Variants in WDR59 observed in about 807,000 individuals in gnomAD.
The protein encoded by WDR59 is GATOR2 complex protein WDR59.
A neutral mutation model predicts 131.2 loss-of-function variants in WDR59; 100 were observed. The ratio of observed to expected loss-of-function variants is 0.76; its 90% CI spans 0.65 to 0.90. The LOEUF (loss-of-function observed/expected upper bound fraction) is 0.90. WDR59 is among the 40% of genes least tolerant of loss of function. The pLI, the probability that WDR59 is intolerant of heterozygous loss-of-function variation, is 0.00. For synonymous variants in WDR59, 601 were observed against 466.2 expected (o/e 1.29, Z -3.72); for missense variants, 1,203 against 1,262.2 (o/e 0.95, Z 0.71).
At position 74,951,436 on chromosome 16, in the gene WDR59, G is replaced by A. The variant is rs371074886; in HGVS notation, c.326+22C>T. 7 of 1,579,480 alleles carry A rather than the reference G, an allele frequency of 4.4e-6. No homozygotes were observed. The African/African-American group carries it at 6.7e-5, about 15-fold the overall frequency. ...TGTGACAAAGCAAGACAGCCAAAGA[G>A]CTGTGGAGGGCTGGTGCCTACCTGA... is the stretch of plus-strand genomic sequence containing the variant. On this transcript the variant is annotated intron_variant, in intron 4 of 25. Transcript: ENST00000262144.
chr16:74,959,027 C>A (rs1279308190), intron 2 of WDR59, among the ~76,000 whole-genome samples: 1 of 152,136 alleles, frequency 6.6e-6, no homozygotes, highest in Non-Finnish European at 1.5e-5. Flanking sequence ...CCATTGCACT[C>A]CAGCCCGGGC....
intron 8 of WDR59, among the ~76,000 whole-genome samples, chr16:74,928,204 GTT>G (rs71378719): frequency 0.63 from 72,552 of 115,244 alleles, 22,762 homozygotes; most frequent in East Asian, 0.77. Context: ...CTGCATCCAG[GTT>G]TTTTTTTTTT....
At chr16:74,899,164 A>G (rs1209296565) in intron 18 of WDR59, among the ~76,000 whole-genome samples, 1 of 152,212 alleles carries the variant, frequency 6.6e-6, no homozygotes, top group Non-Finnish European at 1.5e-5. Context: ...TTTACTGTCT[A>G]CACAAAATAT....
chr16:74,949,346 A>AG, intron 5 of WDR59, among the ~76,000 whole-genome samples: 1 of 148,770 alleles, frequency 6.7e-6, no homozygotes, highest in East Asian at 2.0e-4. Context: ...AAAAAAAAAA[A>AG]AAAAAAAAGA....
intron 1 of WDR59, among the ~76,000 whole-genome samples, chr16:74,970,521 A>AAAAAAAAAAAAAAAC (rs2033941115): frequency 6.9e-6 from 1 of 145,198 alleles, no homozygotes; most frequent in Non-Finnish European, 1.5e-5. Context: ...AAAAAAAAAA[A>AAAAAAAAAAAAAAAC]AAAAAAGCAG....
At chr16:74,947,929 G>A (rs546004904) in intron 6 of WDR59, among the ~76,000 whole-genome samples, 1 of 152,284 alleles carries the variant, frequency 6.6e-6, no homozygotes, top group Admixed American at 6.5e-5. Context: ...AATCACCCAG[G>A]TGTGGTGGCA....
chr16:74,886,192 T>TAAAAAAAAAAAAAAAAA (rs1567687441), intron 24 of WDR59, 78 bp downstream of exon 24: 1 of 1,152,286 alleles, frequency 8.7e-7, no homozygotes, highest in African/African-American at 1.7e-5. Flanking sequence ...AAAAAAAAAG[T>TAAAAAAAAAAAAAAAAA]AAGAGTTGTG....
Position 74,965,791 on chromosome 16 carries a change from T to C in WDR59, c.86A>G (p.Gln29Arg). 1.2e-6 allele frequency: 2 copies of C among 1,614,018 alleles called. No individual in the cohort carries two copies. Among genetic ancestry groups the C allele is most frequent in the Non-Finnish European group, 1.7e-6 (2 of 1,179,930 alleles). The change falls in exon 2 of 26, where the codon CAG becomes CGG. Residue 29 changes from glutamine to arginine, a missense_variant. Transcript: ENST00000262144. ...ATAMSVDCLG[Q>R]HAVLSGRRFL... ...TACTTACCCAGAAAGCACTGCATGCTGCCCAAGACAGTCCACAGACATCGC... is the reference window on the plus strand; with the variant it reads ...TACTTACCCAGAAAGCACTGCATGCCGCCCAAGACAGTCCACAGACATCGC...
chr16:74,932,207 C>T (rs1446207902), intron 8 of WDR59, among the ~76,000 whole-genome samples: 1 of 151,364 alleles, frequency 6.6e-6, no homozygotes, highest in African/African-American at 2.4e-5. Context: ...AATCCTCCTG[C>T]CTTAGCTTCC....
rs149866412 is a variant in WDR59, at chr16:74,874,371, C to T, written c.2763G>A (p.Thr921=). 12 of 1,614,142 alleles carry T rather than the reference C, an allele frequency of 7.4e-6. No homozygotes were observed. The highest frequency in any genetic ancestry group is 9.3e-6 in the Non-Finnish European group (11 of 1,180,036). Residue 921 remains threonine (T), a synonymous_variant, in exon 26 of 26, where the codon ACG becomes ACA. Transcript: ENST00000262144. The part of the protein sequence containing the change: ...GTQCAICKGF[T]FQCAICHVAV... The stretch of plus-strand genomic sequence containing the variant: ...CCACGTGACAGATGGCACACTGGAA[C>T]GTGAAGCCTTTGCAGATGGCACACT...
chr16:74,913,001 C>A (rs1966176222), intron 13 of WDR59, among the ~76,000 whole-genome samples: 1 of 151,748 alleles, frequency 6.6e-6, no homozygotes, highest in African/African-American at 2.4e-5. Flanking sequence ...GCATCACCAC[C>A]ATCATGAACA....
At position 74,965,911 on chromosome 16, in the gene WDR59, T is replaced by G. The variant is rs57488463; in HGVS notation, c.55-89A>C. ...CTCTGTGGCTCTTCCTCTTCCTGTC[T>G]CCCAAGAAGTCCCCAGCTCGCAGGT... On this transcript the variant is annotated intron_variant, in intron 1 of 25. Transcript: ENST00000262144. The G allele has an allele frequency of 3.0e-3, 4,114 of 1,370,914 alleles. 82 individuals carry two copies. In the African/African-American group the frequency reaches 0.048, roughly 16 times the overall value. The allele number at this position is 1,370,914 out of a possible 1,614,324, so 84.9% of individuals were successfully genotyped here.
chr16:74,886,177 C>CAAAAAAAA (rs777732079), intron 24 of WDR59, 93 bp downstream of exon 24: 136 of 1,018,668 alleles, frequency 1.3e-4, no homozygotes, highest in South Asian at 3.1e-4. Flanking sequence ...ATTCTGTGTC[C>CAAAAAAAA]AAAAAAAAAA....
At chr16:74,953,961 T>C (rs894405545) in intron 3 of WDR59, among the ~76,000 whole-genome samples, 2 of 143,270 alleles carry the variant, frequency 1.4e-5, no homozygotes, top group East Asian at 2.2e-4. Flanking sequence ...GAGATAGCAC[T>C]ACTGCACTCC....
At chr16:74,885,886 A>G in intron 24 of WDR59, 91 bp from the exon 25 acceptor site, 18 of 1,491,576 alleles carry the variant, frequency 1.2e-5, no homozygotes, top group Non-Finnish European at 1.6e-5. Context: ...TCTTAAAGCA[A>G]CAGTCCTGGC....
At position 74,908,463 on chromosome 16, in the gene WDR59, G is replaced by GTAC. The variant is rs144833283; in HGVS notation, c.1712+442_1712+444dup. Among the ~76,000 whole-genome samples, 1,160 of 152,238 alleles carry GTAC rather than the reference G, an allele frequency of 7.6e-3. 12 individuals are homozygous for GTAC. The highest frequency in any genetic ancestry group is 0.027 in the African/African-American group (1,114 of 41,528). On this transcript the variant is annotated intron_variant, in intron 17 of 25. Coordinates refer to ENST00000262144, the MANE Select transcript of WDR59 (RefSeq NM_030581.4). ...ACTTCCACGTTTGTGTTTTCACAAT[G>GTAC]TACTACTTATGGAATGTTTTAAAAT...
intron 17 of WDR59, among the ~76,000 whole-genome samples, chr16:74,906,991 C>A (rs1002038696): frequency 6.6e-6 from 1 of 152,180 alleles, no homozygotes; most frequent in African/African-American, 2.4e-5. Flanking sequence ...CTAATAGGAA[C>A]ATTTTCCCCT....
chr16:74,933,491 T>G (rs566839812), intron 8 of WDR59, among the ~76,000 whole-genome samples: 2 of 152,220 alleles, frequency 1.3e-5, no homozygotes, highest in Non-Finnish European at 2.9e-5. Flanking sequence ...TCCCTTGTTT[T>G]TTAAAAATGC....
In WDR59 at chr16:74,983,675, A is replaced by T. The variant is rs567349138; in HGVS notation, c.54+1289T>A. 2.8e-4 allele frequency among the ~76,000 whole-genome samples: 42 copies of T among 151,956 alleles called. 1 individual carries two copies. Among genetic ancestry groups the T allele is most frequent in the African/African-American group, 9.4e-4 (39 of 41,444 alleles). ...TGCCACACATCCTCAACATACAACC[A>T]CATAAAATCTTCACTCGAGGCTGTG... is the stretch of plus-strand genomic sequence containing the variant. On this transcript the variant is annotated intron_variant, in intron 1 of 25. Transcript: ENST00000262144.
Sources: gnomAD v4.1 joint callset for allele counts (sites outside exome capture counted in the v4.1 genomes callset) on GRCh38, gnomAD v4.1.1 for gene constraint, MANE v1.5 for transcripts, NCBI Gene and HGNC (gene_info 2026-07-23, HGNC 2026-07-21) for gene names.